The following RAD51B variants were observed in gnomAD, a reference collection of about 807,000 sequenced individuals.
RAD51B encodes RAD51 paralog B.
Under a neutral mutation model 42.2 loss-of-function variants are expected in RAD51B, and 38 were observed. That is an observed-to-expected ratio of 0.90 (90% CI 0.70 to 1.18). RAD51B has a LOEUF of 1.18. RAD51B is among the 50% of genes most tolerant of loss of function. The pLI, the probability that RAD51B is intolerant of heterozygous loss-of-function variation, is 0.00. For missense variants in RAD51B, 373 were observed against 400.7 expected (o/e 0.93, Z 0.59); for synonymous variants, 154 against 145.2 (o/e 1.06, Z -0.43).
chr14:68,231,511 C>CA (rs1171459884), intron 7 of RAD51B, among the ~76,000 whole-genome samples: 2 of 152,116 alleles, frequency 1.3e-5, no homozygotes, highest in Non-Finnish European at 2.9e-5. Flanking sequence ...TGTTAATCTC[C>CA]AATGTGTTTA....
At chr14:68,497,778 A>C in intron 10 of RAD51B, 1 of 223,238 alleles carries the variant, frequency 4.5e-6, no homozygotes, top group Non-Finnish European at 8.9e-6. Flanking sequence ...GGAATCATAT[A>C]GTGTCTGTCT....
At chr14:68,347,575 A>G (rs546576218) in intron 8 of RAD51B, among the ~76,000 whole-genome samples, 2 of 152,298 alleles carry the variant, frequency 1.3e-5, no homozygotes, top group African/African-American at 4.8e-5. Context: ...AATTGGCTGA[A>G]GCAGGAGGAT....
At chr14:68,190,635 T>A (rs2079246230) in intron 7 of RAD51B, among the ~76,000 whole-genome samples, 1 of 152,174 alleles carries the variant, frequency 6.6e-6, no homozygotes, top group Non-Finnish European at 1.5e-5. Flanking sequence ...CAAGGCACTC[T>A]ATATTCTATA....
intron 7 of RAD51B, among the ~76,000 whole-genome samples, chr14:68,056,311 C>A (rs976097445): frequency 4.6e-5 from 7 of 151,994 alleles, no homozygotes; most frequent in Non-Finnish European, 1.0e-4. Context: ...CCATGCCTGG[C>A]TAATTTTTTG....
At chr14:68,022,421 T>C (rs1566585073) in intron 7 of RAD51B, among the ~76,000 whole-genome samples, 3 of 152,216 alleles carry the variant, frequency 2.0e-5, no homozygotes. Flanking sequence ...TTTGGTAGAA[T>C]GATTTATTTT....
intron 11 of RAD51B, among the ~76,000 whole-genome samples, chr14:68,655,073 C>T (rs1892782957): frequency 6.6e-6 from 1 of 152,126 alleles, no homozygotes; most frequent in African/African-American, 2.4e-5. Context: ...CACCTTTCCC[C>T]AGCACACCTA....
chr14:67,951,058 C>T (rs1245099522), intron 7 of RAD51B, among the ~76,000 whole-genome samples: 3 of 151,856 alleles, frequency 2.0e-5, no homozygotes, highest in Admixed American at 2.0e-4. Context: ...ACAGGTATGA[C>T]AATAATGAAA....
chr14:67,885,878 A>C lies in RAD51B; in HGVS notation c.462A>C (p.Glu154Asp). 5.0e-6 allele frequency: 8 copies of C among 1,607,930 alleles called. No homozygotes were observed. Among genetic ancestry groups the C allele is most frequent in the Non-Finnish European group, 6.8e-6 (8 of 1,175,620 alleles). The change falls in exon 6 of 11, where the codon GAA (glutamate) becomes GAC (aspartate). Residue 154 changes from glutamate to aspartate, a missense_variant. Glu to Asp is a conservative substitution (Grantham distance 45). Transcript: ENST00000471583. ...TTTTTTTCACCCACAGACTGGTTGA[A>C]ATAGCAGAATCCCGTTTTCCCAGAT... ...ESAFSAERLV[E>D]IAESRFPRYF...
chr14:68,019,317 G>A (rs1178477755), intron 7 of RAD51B, among the ~76,000 whole-genome samples: 1 of 152,106 alleles, frequency 6.6e-6, no homozygotes, highest in Non-Finnish European at 1.5e-5. Context: ...ATTCTATAGT[G>A]AATTCAAACA....
chr14:68,675,941 A>G (rs1413433551), intron 11 of RAD51B, among the ~76,000 whole-genome samples: 1 of 152,164 alleles, frequency 6.6e-6, no homozygotes, highest in Non-Finnish European at 1.5e-5. Flanking sequence ...TAGTCAACCT[A>G]GGGCAGATAG....
chr14:67,967,957 A>G (rs894158008), intron 7 of RAD51B, among the ~76,000 whole-genome samples: 2 of 152,134 alleles, frequency 1.3e-5, no homozygotes, highest in Non-Finnish European at 2.9e-5. Flanking sequence ...CCTGCAGCAA[A>G]CTTTTGCCTG....
chr14:68,448,070 GCTGAGCCTGGAGCAGCCAGTTGGCC>G, intron 9 of RAD51B, among the ~76,000 whole-genome samples: 1 of 152,210 alleles, frequency 6.6e-6, no homozygotes, highest in East Asian at 1.9e-4. Flanking sequence ...AGAGGTGAGG[GCTGAGCCTGGAGCAGCCAGTTGGCC>G]CATACTGAGG....
intron 8 of RAD51B, among the ~76,000 whole-genome samples, chr14:68,342,309 G>A (rs2082587441): frequency 6.6e-6 from 1 of 152,176 alleles, no homozygotes; most frequent in South Asian, 2.1e-4. Context: ...CTAGTCAAGG[G>A]CTTCAGGGGG....
chr14:67,842,264 A>G (rs1267294067), intron 4 of RAD51B, among the ~76,000 whole-genome samples: 1 of 152,176 alleles, frequency 6.6e-6, no homozygotes, highest in African/African-American at 2.4e-5. Flanking sequence ...TACTAAAGTC[A>G]TTTATCAGTT....
intron 7 of RAD51B, among the ~76,000 whole-genome samples, chr14:68,064,158 CAG>C (rs1270392787): frequency 1.3e-5 from 2 of 152,184 alleles, no homozygotes; most frequent in African/African-American, 4.8e-5. Flanking sequence ...TGAATTCTCT[CAG>C]TGTTTGCTTT....
At chr14:68,352,203 A>G (rs186756079) in intron 8 of RAD51B, among the ~76,000 whole-genome samples, 1 of 152,372 alleles carries the variant, frequency 6.6e-6, no homozygotes, top group African/African-American at 2.4e-5. Flanking sequence ...GATAGAATTA[A>G]TGAATAGATG....
intron 7 of RAD51B, among the ~76,000 whole-genome samples, chr14:68,038,562 A>G (rs949975647): frequency 6.6e-6 from 1 of 152,244 alleles, no homozygotes; most frequent in African/African-American, 2.4e-5. Context: ...TATACAAATC[A>G]TAATATCTGT....
At chr14:67,822,351 T>C (rs1280803102) in intron 1 of RAD51B, 1 of 152,162 alleles carries the variant, frequency 6.6e-6, no homozygotes, top group African/African-American at 2.4e-5. Flanking sequence ...GAAATTTAAC[T>C]GCATGTGAGA....
chr14:68,333,066 G>C (rs2082380551), intron 8 of RAD51B, among the ~76,000 whole-genome samples: 5 of 152,166 alleles, frequency 3.3e-5, no homozygotes, highest in Admixed American at 3.3e-4. Context: ...CTGTTAGCTG[G>C]TCCATGAATA....
Sources: gnomAD v4.1 joint callset for allele counts (sites outside exome capture counted in the v4.1 genomes callset) on GRCh38, gnomAD v4.1.1 for gene constraint, MANE v1.5 for transcripts, NCBI Gene and HGNC (gene_info 2026-07-23, HGNC 2026-07-21) for gene names.